Variants in CEP85L observed in about 807,000 individuals in gnomAD.
CEP85L encodes centrosomal protein of 85 kDa-like.
In CEP85L, 60 loss-of-function variants were observed where a neutral mutation model predicts 100.3. The ratio of observed to expected loss-of-function variants is 0.60; its 90% CI spans 0.49 to 0.74. CEP85L has a LOEUF of 0.74. Among genes scored for constraint, CEP85L ranks in the 30% least tolerant of loss-of-function variants. CEP85L has a pLI of 0.00. For synonymous variants in CEP85L, 319 were observed against 322.7 expected, an observed-to-expected ratio of 0.99 and a Z score of 0.12; for missense variants, 973 against 936.2, an observed-to-expected ratio of 1.04 and a Z score of -0.51.
At chr6:118,569,000 G>T (rs1779711726) in intron 2 of CEP85L, among the ~76,000 whole-genome samples, 1 of 152,020 alleles carries the variant, frequency 6.6e-6, no homozygotes, top group Admixed American at 6.5e-5. Flanking sequence ...TAAAAATACA[G>T]ACCAAAGGTT....
chr6:118,551,840 T>C (rs1295479116), intron 3 of CEP85L, among the ~76,000 whole-genome samples: 1 of 152,024 alleles, frequency 6.6e-6, no homozygotes, highest in Non-Finnish European at 1.5e-5. Flanking sequence ...TGTCCAAGTT[T>C]AGTATTAGGC....
intron 3 of CEP85L, chr6:118,548,419 GTAATTCTTACTTTCTA>G (rs976064784): frequency 1.3e-5 from 2 of 152,032 alleles, no homozygotes; most frequent in African/African-American, 4.8e-5. Flanking sequence ...GCTGACTTTG[GTAATTCTTACTTTCTA>G]TAATTCTTAA....
intron 1 of CEP85L, among the ~76,000 whole-genome samples, chr6:118,665,347 T>C (rs1776101137): frequency 6.6e-6 from 1 of 151,976 alleles, no homozygotes; most frequent in African/African-American, 2.4e-5. Context: ...ATTTTATTTA[T>C]TTTATTTTAT....
chr6:118,597,214 T>C (rs1240090423), intron 2 of CEP85L, among the ~76,000 whole-genome samples: 2 of 152,228 alleles, frequency 1.3e-5, no homozygotes, highest in Non-Finnish European at 2.9e-5. Context: ...CATTTCTTCA[T>C]AGCAGCATGA....
At chr6:118,685,664 A>G (rs1776806021) in intron 1 of CEP85L, among the ~76,000 whole-genome samples, 1 of 152,166 alleles carries the variant, frequency 6.6e-6, no homozygotes, top group Non-Finnish European at 1.5e-5. Context: ...CACAACTTAG[A>G]CTTTCCTTTC....
At chr6:118,605,652 CCT>C (rs1200811260) in intron 2 of CEP85L, among the ~76,000 whole-genome samples, 7 of 152,152 alleles carry the variant, frequency 4.6e-5, no homozygotes. Context: ...TGTGGCACTT[CCT>C]CTGTTTTTCC....
chr6:118,592,628 T>C (rs1300732206), intron 2 of CEP85L, among the ~76,000 whole-genome samples: 3 of 152,106 alleles, frequency 2.0e-5, no homozygotes, highest in African/African-American at 7.2e-5. Context: ...GGCTAGAAAA[T>C]GGTTGAAATA....
At chr6:118,534,061 G>A (rs1277718977) in intron 3 of CEP85L, among the ~76,000 whole-genome samples, 3 of 151,906 alleles carry the variant, frequency 2.0e-5, no homozygotes, top group African/African-American at 7.3e-5. Context: ...GAGATCACAC[G>A]ATTGCACTCC....
intron 3 of CEP85L, among the ~76,000 whole-genome samples, chr6:118,530,811 G>C (rs888008182): frequency 6.6e-6 from 1 of 150,796 alleles, no homozygotes; most frequent in African/African-American, 2.4e-5. Flanking sequence ...AAGTAAAAGA[G>C]CTCTACAACA....
At chr6:118,649,539 T>G (rs2115379797) in intron 1 of CEP85L, among the ~76,000 whole-genome samples, 1 of 152,186 alleles carries the variant, frequency 6.6e-6, no homozygotes, top group East Asian at 1.9e-4. Context: ...CGAATAAATT[T>G]TAATAGGTTA....
chr6:118,481,910 AT>A lies in CEP85L; in HGVS notation c.1613del (p.Asn538IlefsTer8). ...CTATCAAAGCCTCTTGTAAATTCTT[AT>A]TTTTTTCTTCCAGAATCTGCAGCTA... ...SLQLQILEEK[N>X]KNLQEALIDT... On this transcript the variant is annotated frameshift_variant, in exon 8 of 13. Transcript: ENST00000368491. LOFTEE classifies it high-confidence loss of function. 7 of 1,563,162 alleles carry A rather than the reference AT, an allele frequency of 4.5e-6. No homozygotes were observed. The highest frequency in any genetic ancestry group is 1.9e-5 in the Admixed American group (1 of 53,054).
chr6:118,551,077 C>T (rs1778515500), intron 3 of CEP85L, among the ~76,000 whole-genome samples: 1 of 151,730 alleles, frequency 6.6e-6, no homozygotes, highest in South Asian at 2.1e-4. Flanking sequence ...CATCTGATAC[C>T]TAAAATCCAA....
chr6:118,691,708 C>T (rs1259903435), intron 1 of CEP85L, among the ~76,000 whole-genome samples: 1 of 147,594 alleles, frequency 6.8e-6, no homozygotes, highest in Non-Finnish European at 1.5e-5. Context: ...CACTGCACTC[C>T]AGCCTGGGCA....
At chr6:118,501,449 C>G (rs1021433328) in intron 5 of CEP85L, 20 of 391,400 alleles carry the variant, frequency 5.1e-5, no homozygotes, top group Non-Finnish European at 2.9e-5. Context: ...ACTGATGAGA[C>G]AGCTGCAGAG....
intron 12 of CEP85L, 100 bp downstream of exon 12, chr6:118,468,972 G>T (rs1772735023): frequency 2.6e-6 from 2 of 755,266 alleles, no homozygotes; most frequent in South Asian, 1.8e-5. Context: ...TAGGAAAAGA[G>T]ATTACAAAAA....
chr6:118,504,304 T>C (rs1192829522), intron 5 of CEP85L, among the ~76,000 whole-genome samples: 1 of 151,550 alleles, frequency 6.6e-6, no homozygotes, highest in African/African-American at 2.4e-5. Flanking sequence ...GAACCCAGTA[T>C]GCGGAGGTTG....
chr6:118,594,880 AC>A (rs1203709570), intron 2 of CEP85L, among the ~76,000 whole-genome samples: 1 of 134,612 alleles, frequency 7.4e-6, no homozygotes, highest in African/African-American at 2.8e-5. Flanking sequence ...ACAAAACAAA[AC>A]AAAAAAAAAA....
chr6:118,682,171 A>G (rs541522957), intron 1 of CEP85L, among the ~76,000 whole-genome samples: 1 of 152,200 alleles, frequency 6.6e-6, no homozygotes. Context: ...ATTGCACTTA[A>G]ATATCATTAT....
intron 1 of CEP85L, among the ~76,000 whole-genome samples, chr6:118,638,001 AAAC>A (rs1420359600): frequency 2.6e-5 from 4 of 152,130 alleles, no homozygotes; most frequent in African/African-American, 9.7e-5. Context: ...TAAAAGAACA[AAAC>A]AACAGTGTTC....
Sources: allele counts gnomAD v4.1 joint callset (sites outside exome capture counted in the v4.1 genomes callset), GRCh38; gene constraint gnomAD v4.1.1; transcripts MANE v1.5; gene names NCBI Gene and HGNC (gene_info 2026-07-23, HGNC 2026-07-21).